Variants in DYM observed in about 807,000 individuals in gnomAD.
DYM encodes the protein dymeclin.
Under a neutral mutation model 93.1 loss-of-function variants are expected in DYM, and 78 were observed. That is an observed-to-expected ratio of 0.84 (90% CI 0.70 to 1.01). The LOEUF is 1.01. DYM is among the 50% of genes least tolerant of loss of function. The probability of loss-of-function intolerance (pLI) is 0.00; values close to 1 mark genes in which losing one functional copy is unlikely to be tolerated. For synonymous variants in DYM, 321 were observed against 319.7 expected (o/e 1.00, Z -0.04); for missense variants, 789 against 845.0 (o/e 0.93, Z 0.82).
chr18:49,255,456 TG>T (rs1316331903), intron 13 of DYM, among the ~76,000 whole-genome samples: 1 of 151,990 alleles, frequency 6.6e-6, no homozygotes, highest in African/African-American at 2.4e-5. Context: ...GGGCGGATCA[TG>T]AGGTTAGGAG....
At chr18:49,425,513 G>A (rs1055255801) in intron 2 of DYM, among the ~76,000 whole-genome samples, 4 of 152,014 alleles carry the variant, frequency 2.6e-5, no homozygotes, top group African/African-American at 9.7e-5. Context: ...AACACCAAAA[G>A]CAATGGCAAC....
At chr18:49,208,884 T>C (rs990685448) in intron 14 of DYM, 2 of 152,188 alleles carry the variant, frequency 1.3e-5, no homozygotes, top group African/African-American at 2.4e-5. Context: ...CCCCTCTATT[T>C]TGGTGCACGA....
chr18:49,322,431 CCTT>C (rs1274532703), intron 8 of DYM, among the ~76,000 whole-genome samples: 4 of 151,804 alleles, frequency 2.6e-5, no homozygotes, highest in Non-Finnish European at 5.9e-5. Context: ...TTGCTTCACC[CCTT>C]TTTTAGACAT....
chr18:49,405,964 G>A (rs1370122060), intron 2 of DYM, among the ~76,000 whole-genome samples: 1 of 152,056 alleles, frequency 6.6e-6, no homozygotes, highest in Non-Finnish European at 1.5e-5. Flanking sequence ...TGTATTCCTA[G>A]GTATTTTCTT....
intron 8 of DYM, among the ~76,000 whole-genome samples, chr18:49,289,933 A>G (rs1048595905): frequency 6.6e-6 from 1 of 151,482 alleles, no homozygotes; most frequent in Non-Finnish European, 1.5e-5. Context: ...GATAACACTG[A>G]TAAGACTCAG....
rs2081715604 is a variant in DYM at position 49,114,255 on chromosome 18, A to C, written c.1911+4489T>G. ...AATGGTAAAAGAGGTCATATACATGAGGCACTCAAGCTTCATTCCCATCAT... is the reference window on the plus strand; with the variant it reads ...AATGGTAAAAGAGGTCATATACATGCGGCACTCAAGCTTCATTCCCATCAT... On this transcript the variant is annotated intron_variant, in intron 16 of 17. Transcript: ENST00000675505. Among the ~76,000 whole-genome samples, 3 of 152,244 alleles carry C rather than the reference A, an allele frequency of 2.0e-5. No individual in the cohort carries two copies. In the South Asian group the frequency reaches 6.2e-4, roughly 31 times the overall value.
intron 13 of DYM, among the ~76,000 whole-genome samples, chr18:49,221,456 C>T (rs892701964): frequency 2.6e-5 from 4 of 151,952 alleles, no homozygotes; most frequent in African/African-American, 7.3e-5. Context: ...CACATGCACA[C>T]GTATGTTTAT....
chr18:49,143,052 C>T (rs1187564886), intron 15 of DYM, among the ~76,000 whole-genome samples: 1 of 152,142 alleles, frequency 6.6e-6, no homozygotes, highest in African/African-American at 2.4e-5. Context: ...TATTTGAATA[C>T]AATCATATGA....
intron 15 of DYM, among the ~76,000 whole-genome samples, chr18:49,159,158 T>C (rs2086798587): frequency 1.3e-5 from 2 of 152,338 alleles, no homozygotes; most frequent in Admixed American, 6.5e-5. Flanking sequence ...GGCACAAACA[T>C]TGTACAAAAC....
intron 5 of DYM, among the ~76,000 whole-genome samples, chr18:49,370,209 C>T (rs1214160717): frequency 1.4e-5 from 2 of 146,868 alleles, no homozygotes; most frequent in Admixed American, 1.4e-4. Flanking sequence ...ACCTGGGAGG[C>T]GGAGGTTGCA....
intron 17 of DYM, among the ~76,000 whole-genome samples, chr18:49,067,452 A>AGTAGGGGAAGGAGTGGGGTGATGTG (rs2076546684): frequency 2.7e-4 from 5 of 18,622 alleles, no homozygotes; most frequent in South Asian, 3.1e-3. Context: ...TGATGTGAGC[A>AGTAGGGGAAGGAGTGGGGTGATGTG]CTATGGAAGT....
At chr18:49,424,914 A>G (rs2074111292) in intron 2 of DYM, among the ~76,000 whole-genome samples, 5 of 152,186 alleles carry the variant, frequency 3.3e-5, no homozygotes, top group Admixed American at 2.6e-4. Context: ...AAATGGAAGA[A>G]CATTCCATGC....
chr18:49,183,152 G>C (rs1041455322), intron 14 of DYM, among the ~76,000 whole-genome samples: 1 of 151,982 alleles, frequency 6.6e-6, no homozygotes, highest in East Asian at 1.9e-4. Context: ...ACAACACTAC[G>C]TATTTGAGGG....
chr18:49,247,462 T>C (rs1381013908), intron 13 of DYM, among the ~76,000 whole-genome samples: 1 of 152,068 alleles, frequency 6.6e-6, no homozygotes, highest in Non-Finnish European at 1.5e-5. Flanking sequence ...TTCATAAAAA[T>C]AAACAGGAAT....
At chr18:49,302,318 T>C (rs1193285401) in intron 8 of DYM, among the ~76,000 whole-genome samples, 1 of 152,184 alleles carries the variant, frequency 6.6e-6, no homozygotes, top group African/African-American at 2.4e-5. Flanking sequence ...TAAGCCATCA[T>C]GATTAGCAAA....
At position 49,407,298 on chromosome 18, in the gene DYM, T is replaced by A. The variant is rs142112391; in HGVS notation, c.141-15653A>T. ...CACATGATAAAACGGTATAGAGCTATACATAAACACATAAATGAATGCACG... is the reference window on the plus strand; with the variant it reads ...CACATGATAAAACGGTATAGAGCTAAACATAAACACATAAATGAATGCACG... On this transcript the variant is annotated intron_variant, in intron 2 of 17. Transcript: ENST00000675505. 5.8e-3 allele frequency among the ~76,000 whole-genome samples: 883 copies of A among 152,320 alleles called. 10 individuals are homozygous for A. The highest frequency in any genetic ancestry group is 0.02 in the African/African-American group (825 of 41,554).
At chr18:49,453,284 G>A (rs535106912) in intron 1 of DYM, among the ~76,000 whole-genome samples, 6 of 152,086 alleles carry the variant, frequency 3.9e-5, no homozygotes, top group African/African-American at 1.2e-4. Context: ...GATGTGGGTG[G>A]GGCCAGATAA....
chr18:49,164,467 A>G (rs755747602), intron 14 of DYM, among the ~76,000 whole-genome samples: 4 of 152,204 alleles, frequency 2.6e-5, no homozygotes, highest in Non-Finnish European at 5.9e-5. Flanking sequence ...GGAACATTGC[A>G]GACTATGGTC....
chr18:49,068,291 C>T (rs986507687), intron 17 of DYM, among the ~76,000 whole-genome samples: 5 of 152,168 alleles, frequency 3.3e-5, no homozygotes, highest in African/African-American at 1.2e-4. Flanking sequence ...ATTCTCATTT[C>T]CCCAAAATAA....
Sources: allele counts gnomAD v4.1 joint callset (sites outside exome capture counted in the v4.1 genomes callset), GRCh38; gene constraint gnomAD v4.1.1; transcripts MANE v1.5; gene names NCBI Gene and HGNC (gene_info 2026-07-23, HGNC 2026-07-21).